CNKSR2: variants seen among roughly 807,000 people sequenced by gnomAD.
CNKSR2 encodes connector enhancer of kinase suppressor of Ras 2.
In CNKSR2, 14 loss-of-function variants were observed where a neutral mutation model predicts 84.4. The observed-to-expected ratio is 0.17, with a 90% CI of 0.11 to 0.26. The LOEUF (loss-of-function observed/expected upper bound fraction) is 0.26. Ranked by LOEUF, CNKSR2 falls within the 10% of genes least tolerant of loss-of-function variation. The pLI is 1.00. For missense variants in CNKSR2, 485 were observed against 771.2 expected (o/e 0.63, Z 4.40); for synonymous variants, 275 against 277.9 (o/e 0.99, Z 0.10).
At chrX:21,388,060 C>T (rs776745588) in intron 1 of CNKSR2, among the ~76,000 whole-genome samples, 105 of 110,266 alleles carry the variant, frequency 9.5e-4, no homozygotes, top group Middle Eastern at 9.3e-3. Context: ...CCATCACGCC[C>T]GGCTAATTTT....
At chrX:21,437,565 A>T (rs2090725491) in intron 3 of CNKSR2, among the ~76,000 whole-genome samples, 1 of 107,417 alleles carries the variant, frequency 9.3e-6, no homozygotes, top group Non-Finnish European at 1.9e-5. Context: ...GATTACAGGC[A>T]CCCGTCACCA....
At chrX:21,398,685 A>G (rs2090150214) in intron 1 of CNKSR2, among the ~76,000 whole-genome samples, 1 of 112,077 alleles carries the variant, frequency 8.9e-6, no homozygotes. Context: ...TTCATGTTCC[A>G]TGGAAAATGG....
chrX:21,648,423 A>C (rs2092711792), intron 20 of CNKSR2, among the ~76,000 whole-genome samples: 1 of 112,026 alleles, frequency 8.9e-6, no homozygotes. Context: ...CATAATGATA[A>C]GGGATGTTTA....
At chrX:21,539,748 A>T (rs759882413) in intron 11 of CNKSR2, among the ~76,000 whole-genome samples, 1 of 111,022 alleles carries the variant, frequency 9.0e-6, no homozygotes, top group Non-Finnish European at 1.9e-5. Context: ...TGTAATCTCC[A>T]TATGATATCT....
chrX:21,580,375 A>G (rs1057004913), intron 13 of CNKSR2, among the ~76,000 whole-genome samples: 6 of 111,726 alleles, frequency 5.4e-5, no homozygotes, highest in African/African-American at 9.7e-5. Context: ...TGTCTATTAT[A>G]TAAGAGCAAA....
intron 20 of CNKSR2, 33 bp from the exon 21 acceptor site, chrX:21,648,794 CTTTT>C (rs33962399): frequency 2.5e-3 from 786 of 314,189 alleles, no homozygotes; most frequent in East Asian, 4.2e-3. Context: ...CTCTCTCTTT[CTTTT>C]TTTTTTTTTT....
At chrX:21,523,193 A>T (rs762556541) in intron 9 of CNKSR2, among the ~76,000 whole-genome samples, 1 of 110,964 alleles carries the variant, frequency 9.0e-6, no homozygotes, top group African/African-American at 3.3e-5. Context: ...GACCATTGAC[A>T]TGAAAACTAA....
At chrX:21,440,897 A>G in intron 4 of CNKSR2, 116 bp downstream of exon 4, 1 of 407,564 alleles carries the variant, frequency 2.5e-6, no homozygotes, top group Non-Finnish European at 4.2e-6. Flanking sequence ...TTTCTCAAAG[A>G]CAAACCATTC....
chrX:21,614,499 A>C (rs989211736), intron 20 of CNKSR2, among the ~76,000 whole-genome samples: 2 of 111,833 alleles, frequency 1.8e-5, no homozygotes, highest in African/African-American at 6.5e-5. Context: ...ATAAAGTCAA[A>C]GAAAAAATGG....
Position 21,374,772 on chromosome X carries a change from G to C in CNKSR2, c.-126G>C. The C allele has an allele frequency of 1.7e-6, 1 of 593,522 alleles. No individual in the cohort carries two copies. The highest frequency in any genetic ancestry group is 2.9e-6 in the Non-Finnish European group (1 of 346,625). The allele number at this position is 593,522 out of a possible 1,213,427, so 48.9% of individuals were successfully genotyped here. Reference sequence around the variant, plus strand: ...CCGCGAGACCCGACACACAAAAGCCGCTTTCTCCGCGCCGCCCGCCCAGGG... The same window carrying C: ...CCGCGAGACCCGACACACAAAAGCCCCTTTCTCCGCGCCGCCCGCCCAGGG... On this transcript the variant is annotated 5_prime_UTR_variant, in exon 1 of 22. Transcript: ENST00000379510.
At chrX:21,588,810 A>G (rs2092403613) in intron 13 of CNKSR2, among the ~76,000 whole-genome samples, 1 of 111,924 alleles carries the variant, frequency 8.9e-6, no homozygotes. Context: ...TAGCTTTCTA[A>G]AAACAAACCA....
At position 21,586,175 on chromosome X, in the gene CNKSR2, G is replaced by C. The variant is rs769106930; in HGVS notation, c.1609-4397G>C. On this transcript the variant is annotated intron_variant, in intron 13 of 21. Coordinates refer to ENST00000379510, the MANE Select transcript of CNKSR2 (RefSeq NM_014927.5). The stretch of plus-strand genomic sequence containing the variant: ...TGAGAGTCTTCTCTAATGAGTATCA[G>C]AGAACCAATGGACCTCAGCTATGTC... Among the ~76,000 whole-genome samples the C allele has an allele frequency of 6.3e-5, 7 of 111,480 alleles. No homozygotes were observed. The South Asian group carries it at 1.9e-3, about 30-fold the overall frequency.
In CNKSR2 at chrX:21,551,611, C is replaced by T. The variant is rs1053708689; in HGVS notation, c.1304-9860C>T. On this transcript the variant is annotated intron_variant, in intron 11 of 21. Coordinates refer to ENST00000379510, the MANE Select transcript of CNKSR2 (RefSeq NM_014927.5). ...ATTCTCTGGGTTCAGTATTGTCCCC[C>T]AGGGGACATTTGGTAATTTCCGGGG... Among the ~76,000 whole-genome samples, 3 of 111,771 alleles carry T rather than the reference C, an allele frequency of 2.7e-5. No homozygotes were observed. The South Asian group carries it at 1.1e-3, about 42-fold the overall frequency.
chrX:21,561,442 G>A, intron 11 of CNKSR2, 29 bp from the exon 12 acceptor site: 1 of 1,102,263 alleles, frequency 9.1e-7, no homozygotes, highest in Non-Finnish European at 1.3e-6. Context: ...GAAAAACAAT[G>A]TGATGTGAAC....
intron 7 of CNKSR2, among the ~76,000 whole-genome samples, chrX:21,499,757 C>T (rs1438702519): frequency 9.1e-6 from 1 of 110,172 alleles, no homozygotes; most frequent in Non-Finnish European, 1.9e-5. Flanking sequence ...CTTTGCTGTG[C>T]CCTAATTTCT....
chrX:21,601,474 C>CAA, intron 18 of CNKSR2, 125 bp downstream of exon 18: 1 of 439,052 alleles, frequency 2.3e-6, no homozygotes, highest in African/African-American at 2.5e-5. Flanking sequence ...CTCTTCTAGG[C>CAA]ACTTAAGTGA....
At chrX:21,549,255 G>T (rs192938458) in intron 11 of CNKSR2, among the ~76,000 whole-genome samples, 9 of 111,857 alleles carry the variant, frequency 8.0e-5, no homozygotes, top group African/African-American at 1.9e-4. Context: ...TGCAAAAATC[G>T]CAAGCGTTCC....
intron 1 of CNKSR2, among the ~76,000 whole-genome samples, chrX:21,376,391 C>T (rs908211956): frequency 8.9e-6 from 1 of 111,997 alleles, no homozygotes; most frequent in African/African-American, 3.3e-5. Context: ...TTTGTAACTG[C>T]TAAGCAGTAC....
intron 11 of CNKSR2, among the ~76,000 whole-genome samples, chrX:21,536,294 C>T (rs1405570418): frequency 9.0e-6 from 1 of 111,128 alleles, no homozygotes; most frequent in Non-Finnish European, 1.9e-5. Flanking sequence ...CATCCATATT[C>T]ATGAGGGATA....
Sources: allele counts gnomAD v4.1 joint callset (sites outside exome capture counted in the v4.1 genomes callset), GRCh38; gene constraint gnomAD v4.1.1; transcripts MANE v1.5; gene names NCBI Gene and HGNC (gene_info 2026-07-23, HGNC 2026-07-21).